PDE3A: variants seen among roughly 807,000 people sequenced by gnomAD.
PDE3A encodes the protein phosphodiesterase 3A, also known as cGMP-inhibited 3',5'-cyclic phosphodiesterase 3A.
PDE3A carries 43 observed loss-of-function variants against 98.3 expected under a neutral mutation model. The ratio of observed to expected loss-of-function variants is 0.44; its 90% CI spans 0.34 to 0.56. PDE3A has a LOEUF of 0.56. Among genes scored for constraint, PDE3A ranks in the 20% least tolerant of loss-of-function variants. The probability of loss-of-function intolerance (pLI) is 0.01; values close to 1 mark genes in which losing one functional copy is unlikely to be tolerated. For missense variants in PDE3A, 1,427 were observed against 1,440.7 expected (o/e 0.99, Z 0.15); for synonymous variants, 663 against 567.9 (o/e 1.17, Z -2.38).
chr12:20,483,325 G>A (rs1053326566), intron 1 of PDE3A, among the ~76,000 whole-genome samples: 6 of 152,104 alleles, frequency 3.9e-5, no homozygotes, highest in Admixed American at 1.3e-4. Context: ...GGAGGCGGAG[G>A]TTGCAGTGAG....
intron 1 of PDE3A, among the ~76,000 whole-genome samples, chr12:20,428,812 C>T (rs374033856): frequency 6.6e-6 from 1 of 152,212 alleles, no homozygotes. Context: ...TGTATAAATG[C>T]GTACCACTAT....
chr12:20,618,608 G>A (rs1461393016), intron 4 of PDE3A, among the ~76,000 whole-genome samples: 2 of 152,146 alleles, frequency 1.3e-5, no homozygotes, highest in East Asian at 1.9e-4. Flanking sequence ...TGTTCTTAGA[G>A]GCAAGTCATT....
chr12:20,488,946 A>T (rs1945780615), intron 1 of PDE3A, among the ~76,000 whole-genome samples: 1 of 152,018 alleles, frequency 6.6e-6, no homozygotes, highest in Admixed American at 6.5e-5. Flanking sequence ...TGCCAGAAGT[A>T]TCCAGGTTCA....
At chr12:20,581,829 G>T (rs4475971) in intron 2 of PDE3A, among the ~76,000 whole-genome samples, 1 of 151,234 alleles carries the variant, frequency 6.6e-6, no homozygotes, top group African/African-American at 2.4e-5. Context: ...AGCCGGGATG[G>T]TCTCGATCTC....
chr12:20,676,399 A>G (rs555956751), intron 15 of PDE3A, among the ~76,000 whole-genome samples: 1 of 152,128 alleles, frequency 6.6e-6, no homozygotes, highest in South Asian at 2.1e-4. Flanking sequence ...TCCTGGACTG[A>G]ATGATTTCTG....
intron 1 of PDE3A, among the ~76,000 whole-genome samples, chr12:20,429,775 A>AT (rs1283390938): frequency 6.6e-6 from 1 of 152,038 alleles, no homozygotes; most frequent in Non-Finnish European, 1.5e-5. Flanking sequence ...TTGATGTTTT[A>AT]TTTTTTACCT....
intron 5 of PDE3A, 27 bp downstream of exon 5, chr12:20,621,438 C>G: frequency 8.4e-7 from 1 of 1,190,854 alleles, no homozygotes; most frequent in Non-Finnish European, 1.3e-6. Context: ...GAGAAGGGTT[C>G]ATACTGTGAG....
intron 1 of PDE3A, among the ~76,000 whole-genome samples, chr12:20,421,054 G>A (rs1944503973): frequency 6.6e-6 from 1 of 152,022 alleles, no homozygotes; most frequent in South Asian, 2.1e-4. Flanking sequence ...GTTTGGTGGG[G>A]ATAAAATAGA....
intron 15 of PDE3A, among the ~76,000 whole-genome samples, chr12:20,658,522 A>C (rs1420224838): frequency 6.6e-6 from 1 of 152,228 alleles, no homozygotes; most frequent in Non-Finnish European, 1.5e-5. Context: ...AATAGGGGAG[A>C]CAGATTGAAC....
intron 1 of PDE3A, among the ~76,000 whole-genome samples, chr12:20,391,342 A>G (rs2120608981): frequency 6.8e-6 from 1 of 146,948 alleles, no homozygotes; most frequent in Non-Finnish European, 1.5e-5. Flanking sequence ...GTGTGTATGT[A>G]TACATATATA....
At chr12:20,542,916 A>G (rs919450471) in intron 1 of PDE3A, among the ~76,000 whole-genome samples, 2 of 152,082 alleles carry the variant, frequency 1.3e-5, no homozygotes, top group Non-Finnish European at 1.5e-5. Context: ...AGATATTAGC[A>G]TGATCCAGTC....
At chr12:20,489,435 A>G (rs562739040) in intron 1 of PDE3A, among the ~76,000 whole-genome samples, 1 of 152,290 alleles carries the variant, frequency 6.6e-6, no homozygotes, top group South Asian at 2.1e-4. Flanking sequence ...TACCATTTTG[A>G]TTTAAAAAAC....
intron 1 of PDE3A, among the ~76,000 whole-genome samples, chr12:20,379,949 T>G (rs573130830): frequency 1.1e-3 from 161 of 151,754 alleles, no homozygotes; most frequent in African/African-American, 3.7e-3. Context: ...ATCATTGTAG[T>G]GTAAACCTTT....
intron 1 of PDE3A, among the ~76,000 whole-genome samples, chr12:20,415,401 C>CTTATTCAT (rs1944406071): frequency 6.7e-6 from 1 of 148,892 alleles, no homozygotes; most frequent in South Asian, 2.1e-4. Context: ...CTTTTATCTA[C>CTTATTCAT]TTATTTATTT....
intron 1 of PDE3A, among the ~76,000 whole-genome samples, chr12:20,520,456 C>A (rs2121148276): frequency 6.6e-6 from 1 of 152,264 alleles, no homozygotes; most frequent in Admixed American, 6.5e-5. Flanking sequence ...TGCGTGCTGG[C>A]TATCAACCAA....
intron 1 of PDE3A, among the ~76,000 whole-genome samples, chr12:20,540,015 A>G (rs1381859042): frequency 1.3e-5 from 2 of 152,132 alleles, no homozygotes; most frequent in Non-Finnish European, 2.9e-5. Context: ...GCTCGAGTCC[A>G]CCCTTAACCA....
At chr12:20,525,878 T>G (rs1447944633) in intron 1 of PDE3A, among the ~76,000 whole-genome samples, 1 of 152,186 alleles carries the variant, frequency 6.6e-6, no homozygotes, top group Non-Finnish European at 1.5e-5. Flanking sequence ...TGCTATCTTA[T>G]CAGTACTGAG....
rs140713377 is a variant in PDE3A at position 20,445,260 on chromosome 12, G to A, written c.960+75016G>A. On this transcript the variant is annotated intron_variant, in intron 1 of 15. Coordinates refer to ENST00000359062, the MANE Select transcript of PDE3A (RefSeq NM_000921.5). ...AATAACTGTTAGCAGCTGGGCCTGG[G>A]TGCTTTTTCCCTGCTTTGTCCTGGA... Among the ~76,000 whole-genome samples the A allele has an allele frequency of 1.9e-4, 29 of 152,226 alleles. No individual in the cohort carries two copies. In the East Asian group the frequency reaches 5.0e-3, roughly 26 times the overall value.
chr12:20,430,126 A>G (rs1944671098), intron 1 of PDE3A, among the ~76,000 whole-genome samples: 1 of 152,164 alleles, frequency 6.6e-6, no homozygotes, highest in Non-Finnish European at 1.5e-5. Context: ...GTACAAAGGC[A>G]TTTTAAGAGA....
Sources: gnomAD v4.1 joint callset for allele counts (sites outside exome capture counted in the v4.1 genomes callset) on GRCh38, gnomAD v4.1.1 for gene constraint, MANE v1.5 for transcripts, NCBI Gene and HGNC (gene_info 2026-07-23, HGNC 2026-07-21) for gene names.